UBE2G1: variants seen among roughly 807,000 people sequenced by gnomAD.
UBE2G1 encodes ubiquitin conjugating enzyme E2 G1.
UBE2G1 carries 5 observed loss-of-function variants against 22.7 expected under a neutral mutation model. The ratio of observed to expected loss-of-function variants is 0.22; its 90% CI spans 0.12 to 0.46. UBE2G1 has a LOEUF of 0.46. Among genes scored for constraint, UBE2G1 ranks in the 20% least tolerant of loss-of-function variants. The probability of loss-of-function intolerance (pLI) is 0.99; values close to 1 mark genes in which losing one functional copy is unlikely to be tolerated. For missense variants in UBE2G1, 88 were observed against 203.9 expected (o/e 0.43, Z 3.46); for synonymous variants, 74 against 67.5 (o/e 1.10, Z -0.47).
chr17:4,341,050 C>CA (rs71383550), intron 1 of UBE2G1, among the ~76,000 whole-genome samples: 5,520 of 85,886 alleles, frequency 0.064, 444 homozygotes, highest in African/African-American at 0.18. Flanking sequence ...AGTGTCTTTA[C>CA]AAAAAAAAAA....
In UBE2G1 at chr17:4,366,485, G is replaced by A; in HGVS notation, c.-169C>T. The A allele has an allele frequency of 1.8e-6, 1 of 553,008 alleles. No individual in the cohort carries two copies. Among genetic ancestry groups the A allele is most frequent in the Non-Finnish European group, 2.9e-6 (1 of 347,470 alleles). The allele number at this position is 553,008 out of a possible 1,614,324, so 34.3% of individuals were successfully genotyped here. ...GGGAGCGGCGCCTCGCTGCCGGTGC[G>A]AGTCCGCTCGCTTCAGCTCTTTTCA... On this transcript the variant is annotated 5_prime_UTR_variant, in exon 1 of 6. Coordinates refer to ENST00000396981, the MANE Select transcript of UBE2G1 (RefSeq NM_003342.5).
intron 1 of UBE2G1, among the ~76,000 whole-genome samples, chr17:4,362,268 T>C (rs1432757824): frequency 6.6e-6 from 1 of 152,186 alleles, no homozygotes; most frequent in Non-Finnish European, 1.5e-5. Context: ...CTGTTAGGTG[T>C]CTTTATTTGC....
At chr17:4,279,931 T>G (rs1334915499) in intron 5 of UBE2G1, among the ~76,000 whole-genome samples, 3 of 151,232 alleles carry the variant, frequency 2.0e-5, no homozygotes, top group Non-Finnish European at 4.4e-5. Flanking sequence ...AACACGCAAT[T>G]CACAGAGAAA....
intron 1 of UBE2G1, among the ~76,000 whole-genome samples, chr17:4,341,068 A>AG (rs1485954475): frequency 6.6e-6 from 1 of 151,496 alleles, no homozygotes; most frequent in Non-Finnish European, 1.5e-5. Flanking sequence ...AAAAAAAAAA[A>AG]AGATGGCATA....
chr17:4,281,249 T>C (rs547479469), intron 5 of UBE2G1, among the ~76,000 whole-genome samples: 5 of 152,298 alleles, frequency 3.3e-5, no homozygotes, highest in African/African-American at 1.2e-4. Context: ...ACAGATCAAT[T>C]TGAAGAATAT....
At chr17:4,295,185 AG>A (rs1215272503) in intron 3 of UBE2G1, among the ~76,000 whole-genome samples, 1 of 152,242 alleles carries the variant, frequency 6.6e-6, no homozygotes, top group East Asian at 1.9e-4. Flanking sequence ...TCGAAAGCCT[AG>A]GAAGAGATAA....
chr17:4,346,387 A>T (rs938759662), intron 1 of UBE2G1, among the ~76,000 whole-genome samples: 1 of 149,812 alleles, frequency 6.7e-6, no homozygotes, highest in Admixed American at 6.7e-5. Context: ...TTCACAGTAG[A>T]TGAGTTACTG....
rs1399201370 is a variant in UBE2G1, at chr17:4,329,413, C to A, written c.47-22290G>T. ...GATTCTGTCTCAAAAAAAAAATTAG[C>A]CGGGCATGGTGGCATGTGTCTGTGG... On this transcript the variant is annotated intron_variant, in intron 1 of 5. Coordinates refer to ENST00000396981, the MANE Select transcript of UBE2G1 (RefSeq NM_003342.5). Among the ~76,000 whole-genome samples, 4 of 151,042 alleles carry A rather than the reference C, an allele frequency of 2.6e-5. No individual in the cohort carries two copies. The East Asian group carries it at 7.8e-4, about 29-fold the overall frequency.
chr17:4,343,571 T>C (rs1256398426), intron 1 of UBE2G1, among the ~76,000 whole-genome samples: 1 of 150,194 alleles, frequency 6.7e-6, no homozygotes, highest in East Asian at 1.9e-4. Context: ...GGCATTTCAC[T>C]ATACTCTTCT....
At chr17:4,356,049 TA>T (rs746982860) in intron 1 of UBE2G1, among the ~76,000 whole-genome samples, 30,117 of 99,102 alleles carry the variant, frequency 0.3, 3,962 homozygotes, top group Admixed American at 0.36. Context: ...TGTTTCACTT[TA>T]AAAAAAAAAA....
At chr17:4,340,664 C>A (rs1969700777) in intron 1 of UBE2G1, among the ~76,000 whole-genome samples, 1 of 152,138 alleles carries the variant, frequency 6.6e-6, no homozygotes, top group African/African-American at 2.4e-5. Flanking sequence ...AGAGGCCTCC[C>A]CAGCCATGCA....
At chr17:4,365,167 G>C (rs1970017579) in intron 1 of UBE2G1, among the ~76,000 whole-genome samples, 1 of 152,226 alleles carries the variant, frequency 6.6e-6, no homozygotes, top group African/African-American at 2.4e-5. Flanking sequence ...CTGAGGGCTA[G>C]AGGCTACTGG....
At chr17:4,295,003 G>A (rs934627436) in intron 3 of UBE2G1, among the ~76,000 whole-genome samples, 2 of 152,042 alleles carry the variant, frequency 1.3e-5, no homozygotes, top group African/African-American at 2.4e-5. Flanking sequence ...AAGGAGAGAC[G>A]GAGGGAGGGA....
chr17:4,366,514 C>T lies in UBE2G1; in HGVS notation c.-198G>A. On this transcript the variant is annotated 5_prime_UTR_variant, in exon 1 of 6. Transcript: ENST00000396981. ...CCGCTCGCTTCAGCTCTTTTCACAG[C>T]GACTCACGCCCGGAAGGGGAGGGTG... is the stretch of plus-strand genomic sequence containing the variant. 6.6e-6 allele frequency: 3 copies of T among 451,184 alleles called. No individual in the cohort carries two copies. Among genetic ancestry groups the T allele is most frequent in the Non-Finnish European group, 1.1e-5 (3 of 264,810 alleles). 27.9% of individuals were successfully genotyped at this position (451,184 alleles called of 1,614,324 possible).
intron 1 of UBE2G1, among the ~76,000 whole-genome samples, chr17:4,348,804 T>C (rs1341649567): frequency 2.0e-5 from 3 of 151,496 alleles, no homozygotes; most frequent in Admixed American, 2.0e-4. Context: ...GAGGTTGCAG[T>C]CAGCTGAGAT....
chr17:4,294,685 G>A (rs1441776142), intron 3 of UBE2G1, among the ~76,000 whole-genome samples: 1 of 152,054 alleles, frequency 6.6e-6, no homozygotes, highest in Non-Finnish European at 1.5e-5. Context: ...GACAAAGTGG[G>A]CAGATCACTT....
rs41356550 is a variant in UBE2G1, at chr17:4,338,456, T to G, written c.46+27815A>C. ...CTCCAATAACTTCCGAAGATTCGCA[T>G]AAGTTACACAGTTAGCTCCCCCCTC... On this transcript the variant is annotated intron_variant, in intron 1 of 5. Coordinates refer to ENST00000396981, the MANE Select transcript of UBE2G1 (RefSeq NM_003342.5). Among the ~76,000 whole-genome samples, 946 of 152,264 alleles carry G rather than the reference T, an allele frequency of 6.2e-3. 5 individuals carry two copies. The highest frequency in any genetic ancestry group is 0.021 in the African/African-American group (891 of 41,560).
Position 4,270,661 on chromosome 17 carries a change from A to AC in UBE2G1, c.*1892dup, listed in dbSNP as rs397793101. 6.6e-6 allele frequency: 1 copy of AC among 151,456 alleles called. No homozygotes were observed. Among genetic ancestry groups the AC allele is most frequent in the Non-Finnish European group, 1.5e-5 (1 of 67,792 alleles). The allele number at this position is 151,456 out of a possible 1,614,324, so 9.4% of individuals were successfully genotyped here. On this transcript the variant is annotated 3_prime_UTR_variant, in exon 6 of 6. Transcript: ENST00000396981. ...CAGTCTTTGGAAAAGGAAAAAAAAA[A>AC]CCAAGTCACAAAGTTCTTAAAGAAA...
intron 1 of UBE2G1, among the ~76,000 whole-genome samples, chr17:4,315,275 A>G (rs1341688969): frequency 1.3e-5 from 2 of 152,194 alleles, no homozygotes; most frequent in African/African-American, 4.8e-5. Context: ...AATTTTCCTC[A>G]AAAGATTTTT....
Sources: allele counts gnomAD v4.1 joint callset (sites outside exome capture counted in the v4.1 genomes callset), GRCh38; gene constraint gnomAD v4.1.1; transcripts MANE v1.5; gene names NCBI Gene and HGNC (gene_info 2026-07-23, HGNC 2026-07-21).